LOC112694756: variants seen among roughly 807,000 people sequenced by gnomAD.
the LOC112694756 span, chr16:30,069,354 C>T: frequency 1.2e-6 from 2 of 1,614,034 alleles, no homozygotes; most frequent in Non-Finnish European, 1.7e-6. Context: ...TGATGGGGAC[C>T]ATGACTTGAA....
At chr16:30,068,584 C>G in the LOC112694756 span, 2 of 1,575,884 alleles carry the variant, frequency 1.3e-6, no homozygotes, top group Middle Eastern at 1.7e-4. Flanking sequence ...GCCGGGGCGA[C>G]AGTGGAAAGG....
the LOC112694756 span, chr16:30,054,943 G>C: frequency 5.0e-6 from 2 of 398,954 alleles, no homozygotes; most frequent in East Asian, 7.1e-5. Flanking sequence ...GGGTCTGGTC[G>C]GGGATAAAGG....
chr16:30,069,734 C>T, the LOC112694756 span: 2 of 1,611,142 alleles, frequency 1.2e-6, no homozygotes, highest in Admixed American at 1.7e-5. Context: ...CAACCCTATG[C>T]CCATTTGGAC....
the LOC112694756 span, chr16:30,070,178 G>T: frequency 1.9e-6 from 3 of 1,614,130 alleles, no homozygotes; most frequent in Admixed American, 1.7e-5. Flanking sequence ...GCTGCTGCCA[G>T]CGAGTCCCTC....
the LOC112694756 span, chr16:30,066,340 C>T: frequency 2.0e-5 from 3 of 152,536 alleles, no homozygotes; most frequent in Non-Finnish European, 2.9e-5. Flanking sequence ...GAGGGAAACC[C>T]CTCCGCGGTG....
At chr16:30,064,203 G>T in the LOC112694756 span, 2 of 397,794 alleles carry the variant, frequency 5.0e-6, no homozygotes, top group Non-Finnish European at 8.8e-6. Flanking sequence ...GTACGCAGGG[G>T]TGCCTCAACC....
chr16:30,061,481 T>C, the LOC112694756 span, among the ~76,000 whole-genome samples: 1 of 150,780 alleles, frequency 6.6e-6, no homozygotes, highest in Non-Finnish European at 1.5e-5. Flanking sequence ...TCAAGAGGGA[T>C]TGCAGGCAGG....
At chr16:30,063,017 C>T in the LOC112694756 span, among the ~76,000 whole-genome samples, 4 of 151,644 alleles carry the variant, frequency 2.6e-5, no homozygotes, top group South Asian at 2.1e-4. Flanking sequence ...TGGTGGCTCA[C>T]GCCTGTAGTT....
At chr16:30,064,289 A>C in the LOC112694756 span, 2 of 394,828 alleles carry the variant, frequency 5.1e-6, no homozygotes, top group Non-Finnish European at 8.9e-6. Context: ...CTTAAAAAAA[A>C]CCAGGGCTCC....
the LOC112694756 span, chr16:30,069,858 T>A: frequency 1.2e-6 from 2 of 1,613,726 alleles, no homozygotes; most frequent in Non-Finnish European, 1.7e-6. Context: ...GAGGCCAGAG[T>A]GAGGAGGAGG....
chr16:30,069,505 G>C, the LOC112694756 span: 3 of 1,614,112 alleles, frequency 1.9e-6, no homozygotes, highest in Non-Finnish European at 2.5e-6. Context: ...CCAGGTGCTG[G>C]CTGCTGTCTA....
chr16:30,068,743 C>G, the LOC112694756 span: 1 of 1,614,010 alleles, frequency 6.2e-7, no homozygotes, highest in South Asian at 1.1e-5. Flanking sequence ...CCAACCAGAG[C>G]AGGTTTGGGT....
At chr16:30,058,913 A>G in the LOC112694756 span, 1 of 398,334 alleles carries the variant, frequency 2.5e-6, no homozygotes, top group Non-Finnish European at 4.4e-6. Context: ...CAGCAGAAAC[A>G]AGATGGAGAA....
chr16:30,058,107 G>A, the LOC112694756 span, among the ~76,000 whole-genome samples: 1 of 152,104 alleles, frequency 6.6e-6, no homozygotes, highest in African/African-American at 2.4e-5. Flanking sequence ...TGCATTGTAA[G>A]GATAGACTGG....
the LOC112694756 span, chr16:30,055,280 A>G: frequency 2.5e-6 from 1 of 399,274 alleles, no homozygotes; most frequent in East Asian, 3.6e-5. Flanking sequence ...TCCTCTGCCT[A>G]GCCCGGCCCA....
At chr16:30,070,281 G>A in the LOC112694756 span, 16 of 1,487,670 alleles carry the variant, frequency 1.1e-5, no homozygotes, top group African/African-American at 8.3e-5. Context: ...AGAGGAGGCC[G>A]CCTCCTCGGG....
At chr16:30,067,051 G>A in the LOC112694756 span, 1 of 1,576,042 alleles carries the variant, frequency 6.3e-7, no homozygotes, top group Non-Finnish European at 8.6e-7. Flanking sequence ...ACAGGGGCAG[G>A]CCTAGCAAAG....
At chr16:30,057,483 C>T in the LOC112694756 span, among the ~76,000 whole-genome samples, 15 of 152,132 alleles carry the variant, frequency 9.9e-5, no homozygotes, top group African/African-American at 1.7e-4. Context: ...AATCGACCAC[C>T]GTCCTGAGGA....
chr16:30,057,164 C>T, the LOC112694756 span, among the ~76,000 whole-genome samples: 1 of 152,210 alleles, frequency 6.6e-6, no homozygotes, highest in African/African-American at 2.4e-5. Flanking sequence ...CCTGCCTCGG[C>T]CTCCTAAAGT....
Sources: gnomAD v4.1 joint callset for allele counts (sites outside exome capture counted in the v4.1 genomes callset) on GRCh38, gnomAD v4.1.1 for gene constraint, MANE v1.5 for transcripts.